The following NPRL3 variants were observed in gnomAD, a reference collection of about 807,000 sequenced individuals.
NPRL3 encodes the protein NPR3 like, GATOR1 complex subunit, also known as GATOR1 complex protein NPRL3.
In NPRL3, 23 loss-of-function variants were observed where a neutral mutation model predicts 57.2. The observed-to-expected ratio is 0.40, with a 90% CI of 0.29 to 0.57. The LOEUF (loss-of-function observed/expected upper bound fraction) is 0.57. Among genes scored for constraint, NPRL3 ranks in the 20% least tolerant of loss-of-function variants. The probability of loss-of-function intolerance (pLI) is 0.42; values close to 1 mark genes in which losing one functional copy is unlikely to be tolerated. For synonymous variants in NPRL3, 333 were observed against 321.1 expected (o/e 1.04, Z -0.39); for missense variants, 691 against 767.1 (o/e 0.90, Z 1.17).
intron 3 of NPRL3, among the ~76,000 whole-genome samples, chr16:128,113 T>C (rs1900626368): frequency 6.6e-6 from 1 of 151,674 alleles, no homozygotes; most frequent in African/African-American, 2.4e-5. Context: ...TGCCTTAGCC[T>C]CCGGAGTAGC....
chr16:107,358 T>C (rs1899577424), intron 7 of NPRL3, among the ~76,000 whole-genome samples: 1 of 41,908 alleles, frequency 2.4e-5, no homozygotes, highest in African/African-American at 1.1e-4. Context: ...AAATATAAAG[T>C]CAACGAGCCG....
At position 138,143 on chromosome 16, in the gene NPRL3, C is replaced by A. The variant is rs753617978; in HGVS notation, c.118+7G>T. 5 of 1,591,712 alleles carry A rather than the reference C, an allele frequency of 3.1e-6. No individual in the cohort carries two copies. In the Middle Eastern group the frequency reaches 5.0e-4, roughly 158 times the overall value. On this transcript the variant is annotated splice_region_variant and intron_variant, in intron 2 of 13. Transcript: ENST00000611875. Reference sequence around the variant, plus strand: ...GAGCGCCAGGCCCCCGCCCAGCGCTCACTTACTTGTCTGGGACGCCGGGTG... The same window carrying A: ...GAGCGCCAGGCCCCCGCCCAGCGCTAACTTACTTGTCTGGGACGCCGGGTG...
chr16:108,737 C>T (rs1020197952), intron 7 of NPRL3, among the ~76,000 whole-genome samples: 7 of 151,876 alleles, frequency 4.6e-5, no homozygotes, highest in African/African-American at 1.7e-4. Flanking sequence ...GTGGCGCCAT[C>T]TCAGCTCACT....
rs1256050109 is a variant in NPRL3, at chr16:138,240, C to T, written c.28G>A (p.Val10Met). MRDNTSPIS[V>M]ILVSSGSRGN... ...CTGCTCCCCGAGCTCACCAGAATCA[C>T]GCTGATGGGGCTGGTGTTGTCCCGC... The change falls in exon 2 of 14, where the codon GTG (valine) becomes ATG (methionine). Residue 10 changes from valine to methionine, a missense_variant. Physicochemically the swap from Val to Met is conservative, Grantham distance 21. Coordinates refer to ENST00000611875, the MANE Select transcript of NPRL3 (RefSeq NM_001077350.3). 6.2e-7 allele frequency: 1 copy of T among 1,608,034 alleles called. No individual in the cohort carries two copies. The highest frequency in any genetic ancestry group is 2.2e-5 in the East Asian group (1 of 44,684).
At chr16:123,937 C>T (rs1394568867) in intron 3 of NPRL3, among the ~76,000 whole-genome samples, 15 of 652 alleles carry the variant, frequency 0.023, 4 homozygotes, top group African/African-American at 0.086. Flanking sequence ...ACACTCCCCA[C>T]GTTGAGAAAC....
chr16:99,959 C>CAAAAAAAAAAAAAAAA (rs11304941), intron 8 of NPRL3, among the ~76,000 whole-genome samples: 3 of 61,002 alleles, frequency 4.9e-5, no homozygotes, highest in African/African-American at 1.0e-4. Flanking sequence ...CACACCCCCG[C>CAAAAAAAAAAAAAAAA]AAAAAAAAAA....
intron 2 of NPRL3, among the ~76,000 whole-genome samples, chr16:134,294 TA>T (rs920058265): frequency 6.6e-6 from 1 of 151,284 alleles, no homozygotes; most frequent in African/African-American, 2.4e-5. Context: ...ATAGGCAAAA[TA>T]AAAAAAATTT....
chr16:88,387 CAAAAAAAA>C (rs56670370), intron 13 of NPRL3, among the ~76,000 whole-genome samples: 209 of 130,888 alleles, frequency 1.6e-3, no homozygotes, highest in Admixed American at 1.9e-3. Context: ...GACTCCGTCT[CAAAAAAAA>C]AAAAAAAAAA....
chr16:101,359 G>A (rs72763660), intron 7 of NPRL3, among the ~76,000 whole-genome samples: 3,077 of 152,306 alleles, frequency 0.02, 50 homozygotes, highest in Non-Finnish European at 0.035. Context: ...GATGCCCACA[G>A]CACCTCAGTT....
chr16:102,372 G>A (rs1324577880), intron 7 of NPRL3, among the ~76,000 whole-genome samples: 1 of 152,148 alleles, frequency 6.6e-6, no homozygotes, highest in East Asian at 1.9e-4. Flanking sequence ...AGGCAACAGG[G>A]GGGATCTCCA....
At position 86,372 on chromosome 16, in the gene NPRL3, A is replaced by C; in HGVS notation, c.*333T>G. The C allele has an allele frequency of 3.4e-6, 1 of 290,426 alleles. No homozygotes were observed. The highest frequency in any genetic ancestry group is 6.8e-5 in the South Asian group (1 of 14,634). The allele number at this position is 290,426 out of a possible 1,614,324, so 18.0% of individuals were successfully genotyped here. On this transcript the variant is annotated 3_prime_UTR_variant, in exon 14 of 14. Coordinates refer to ENST00000611875, the MANE Select transcript of NPRL3 (RefSeq NM_001077350.3). ...GGTGTAGGGACAGAAGGAGGGTCTG[A>C]GAAACGCACAGCCCACATGGGCCTT...
At chr16:115,201 C>T (rs1465853810) in intron 5 of NPRL3, among the ~76,000 whole-genome samples, 1 of 151,894 alleles carries the variant, frequency 6.6e-6, no homozygotes, top group Non-Finnish European at 1.5e-5. Flanking sequence ...TGTCAAACTC[C>T]TGGGCTCAAG....
chr16:134,694 A>ATTTTTTTTTTT (rs34425237), intron 2 of NPRL3, among the ~76,000 whole-genome samples: 3 of 103,412 alleles, frequency 2.9e-5, no homozygotes, highest in African/African-American at 6.8e-5. Flanking sequence ...AATTATTATT[A>ATTTTTTTTTTT]TTTTTTTTTT....
intron 2 of NPRL3, among the ~76,000 whole-genome samples, chr16:136,077 A>G (rs1901060659): frequency 6.6e-6 from 1 of 152,252 alleles, no homozygotes; most frequent in African/African-American, 2.4e-5. Context: ...AAAAATAAAT[A>G]TGCTCTTTAT....
intron 7 of NPRL3, among the ~76,000 whole-genome samples, chr16:108,039 C>A (rs1899611216): frequency 6.6e-6 from 1 of 152,152 alleles, no homozygotes; most frequent in Non-Finnish European, 1.5e-5. Context: ...CCACAAAGGT[C>A]CCATTCTGCA....
At chr16:117,591 C>G (rs1393801763) in intron 4 of NPRL3, among the ~76,000 whole-genome samples, 1 of 152,224 alleles carries the variant, frequency 6.6e-6, no homozygotes, top group Non-Finnish European at 1.5e-5. Context: ...CCCTCGCCCC[C>G]CCGCTAACAG....
At chr16:100,777 G>A (rs1567134921) in intron 7 of NPRL3, among the ~76,000 whole-genome samples, 1 of 23,740 alleles carries the variant, frequency 4.2e-5, no homozygotes. Flanking sequence ...AGACCAGCCT[G>A]GCTAATAACA....
intron 2 of NPRL3, among the ~76,000 whole-genome samples, chr16:131,087 C>A (rs1457713426): frequency 6.6e-6 from 1 of 152,266 alleles, no homozygotes; most frequent in African/African-American, 2.4e-5. Flanking sequence ...GTAATCCCAA[C>A]CCTTTAGGAG....
chr16:107,817 C>T (rs986530534), intron 7 of NPRL3, among the ~76,000 whole-genome samples: 2 of 152,184 alleles, frequency 1.3e-5, no homozygotes, highest in Non-Finnish European at 2.9e-5. Context: ...AGCACACCAC[C>T]GCACCAGCTT....
Sources: gnomAD v4.1 joint callset for allele counts (sites outside exome capture counted in the v4.1 genomes callset) on GRCh38, gnomAD v4.1.1 for gene constraint, MANE v1.5 for transcripts, NCBI Gene and HGNC (gene_info 2026-07-23, HGNC 2026-07-21) for gene names.